Variants in AP4S1 observed in about 807,000 individuals in gnomAD.
The protein encoded by AP4S1 is AP-4 complex subunit sigma-1.
A neutral mutation model predicts 19.8 loss-of-function variants in AP4S1; 23 were observed. That is an observed-to-expected ratio of 1.16 (90% confidence interval 0.84 to 1.65). The LOEUF is 1.65. AP4S1 is among the 40% of genes most tolerant of loss of function. The probability of loss-of-function intolerance (pLI) is 0.00; values close to 1 mark genes in which losing one functional copy is unlikely to be tolerated. For synonymous variants in AP4S1, 46 were observed against 54.1 expected, an observed-to-expected ratio of 0.85 and a Z score of 0.66; for missense variants, 166 against 172.8, an observed-to-expected ratio of 0.96 and a Z score of 0.22.
intron 1 of AP4S1, among the ~76,000 whole-genome samples, chr14:31,051,964 A>G (rs181143520): frequency 2.6e-5 from 4 of 152,242 alleles, no homozygotes; most frequent in Non-Finnish European, 5.9e-5. Context: ...CCCGGTCCAT[A>G]TTCATTTTAA....
intron 1 of AP4S1, among the ~76,000 whole-genome samples, chr14:31,033,878 C>T: frequency 6.6e-6 from 1 of 152,076 alleles, no homozygotes; most frequent in East Asian, 1.9e-4. Flanking sequence ...GTAATTGTCT[C>T]CTGGGTATGA....
chr14:31,046,115 G>A (rs1318563600), intron 1 of AP4S1, among the ~76,000 whole-genome samples: 4 of 151,534 alleles, frequency 2.6e-5, no homozygotes, highest in African/African-American at 9.7e-5. Context: ...TACATACCAC[G>A]CCCAACTAAT....
intron 1 of AP4S1, among the ~76,000 whole-genome samples, chr14:31,042,289 G>A (rs982706870): frequency 2.0e-5 from 3 of 152,154 alleles, no homozygotes; most frequent in African/African-American, 7.2e-5. Flanking sequence ...TAGCTTTTCT[G>A]TCCAAAGAGT....
chr14:31,038,981 T>TA (rs1373732953), intron 1 of AP4S1, among the ~76,000 whole-genome samples: 3 of 134,164 alleles, frequency 2.2e-5, no homozygotes, highest in Non-Finnish European at 4.8e-5. Flanking sequence ...TTTGTTTTTT[T>TA]AAATGTAGAG....
chr14:31,046,713 G>A (rs990892675), intron 1 of AP4S1, among the ~76,000 whole-genome samples: 1 of 152,080 alleles, frequency 6.6e-6, no homozygotes, highest in African/African-American at 2.4e-5. Context: ...GGGCATGGTG[G>A]TGGGCACCTG....
chr14:31,073,355 TGGTG>T lies in AP4S1; in HGVS notation c.294+385_294+388del, dbSNP rs1566538445. 2.2e-5 allele frequency among the ~76,000 whole-genome samples: 3 copies of T among 134,540 alleles called. No individual in the cohort carries two copies. In the East Asian group the frequency reaches 6.7e-4, roughly 30 times the overall value. The allele number at this position is 134,540 out of a possible 152,430, so 88.3% of individuals were successfully genotyped here. The stretch of plus-strand genomic sequence containing the variant: ...AATACAAAAAATTAGCTGGGCGTGG[TGGTG>T]GGCGCCTGTAGTCCCAGCTACTCCG... On this transcript the variant is annotated intron_variant, in intron 4 of 5. Coordinates refer to ENST00000542754, the MANE Select transcript of AP4S1 (RefSeq NM_001128126.3).
intron 5 of AP4S1, among the ~76,000 whole-genome samples, chr14:31,089,986 TTTTA>T (rs1413633619): frequency 2.6e-5 from 4 of 152,152 alleles, no homozygotes; most frequent in Admixed American, 1.3e-4. Context: ...TTATTTTCAT[TTTTA>T]TTTATTTATT....
At chr14:31,054,882 A>AC (rs1886015832) in intron 1 of AP4S1, among the ~76,000 whole-genome samples, 1 of 148,054 alleles carries the variant, frequency 6.8e-6, no homozygotes, top group African/African-American at 2.5e-5. Flanking sequence ...AAAAAAAAAA[A>AC]AAAAAAAAAA....
At position 31,094,187 on chromosome 14, in the gene AP4S1, T is replaced by C; in HGVS notation, c.*1152T>C. On this transcript the variant is annotated 3_prime_UTR_variant, in exon 6 of 6. Transcript: ENST00000542754. ...TGCCCAGCCAAGAGGTGTTTTTTGT[T>C]TGTTTGTTTTTAAGAGAAGCAGGTC... 1 of 154,140 alleles carries C rather than the reference T, an allele frequency of 6.5e-6. No homozygotes were observed. Among genetic ancestry groups the C allele is most frequent in the East Asian group, 1.9e-4 (1 of 5,250 alleles). 9.5% of individuals were successfully genotyped at this position (154,140 alleles called of 1,614,324 possible). A position where few individuals can be genotyped will look rare whatever the true frequency, so the allele number is the denominator to read the frequency against.
chr14:31,074,418 C>T (rs992250956), intron 4 of AP4S1, among the ~76,000 whole-genome samples: 9 of 151,710 alleles, frequency 5.9e-5, no homozygotes, highest in African/African-American at 1.7e-4. Context: ...TTTGAGAGGC[C>T]GAGGCAGGCC....
At chr14:31,040,842 C>T (rs1416490212) in intron 1 of AP4S1, among the ~76,000 whole-genome samples, 1 of 151,910 alleles carries the variant, frequency 6.6e-6, no homozygotes, top group Non-Finnish European at 1.5e-5. Context: ...CTTTGGGAAT[C>T]AGGATATCTA....
At position 31,092,902 on chromosome 14, in the gene AP4S1, C is replaced by A. The variant is rs752469954; in HGVS notation, c.307-5C>A. On this transcript the variant is annotated splice_region_variant and splice_polypyrimidine_tract_variant and intron_variant, in intron 5 of 5. Coordinates refer to ENST00000542754, the MANE Select transcript of AP4S1 (RefSeq NM_001128126.3). ...TTTAAACTAATTTCCTTAATATAACCGTAGATAATGTTTAATTTGGATAAA... is the reference window on the plus strand; with the variant it reads ...TTTAAACTAATTTCCTTAATATAACAGTAGATAATGTTTAATTTGGATAAA... 2.7e-6 allele frequency: 4 copies of A among 1,508,040 alleles called. No individual in the cohort carries two copies. The highest frequency in any genetic ancestry group is 1.3e-5 in the South Asian group (1 of 76,042). The allele number at this position is 1,508,040 out of a possible 1,614,324, so 93.4% of individuals were successfully genotyped here.
intron 1 of AP4S1, among the ~76,000 whole-genome samples, chr14:31,040,614 C>A (rs1184480521): frequency 6.6e-6 from 1 of 151,970 alleles, no homozygotes; most frequent in African/African-American, 2.4e-5. Flanking sequence ...AATCTATTTG[C>A]TTTGTATGTC....
chr14:31,090,891 G>C (rs1317662827), intron 5 of AP4S1, among the ~76,000 whole-genome samples: 1 of 152,250 alleles, frequency 6.6e-6, no homozygotes. Context: ...GTGCCAGAAA[G>C]CTGCATGATT....
rs752469954 is a variant in AP4S1, at chr14:31,092,902, C to T, written c.307-5C>T. On this transcript the variant is annotated splice_region_variant and splice_polypyrimidine_tract_variant and intron_variant, in intron 5 of 5. Coordinates refer to ENST00000542754, the MANE Select transcript of AP4S1 (RefSeq NM_001128126.3). ...TTTAAACTAATTTCCTTAATATAACCGTAGATAATGTTTAATTTGGATAAA... is the reference window on the plus strand; with the variant it reads ...TTTAAACTAATTTCCTTAATATAACTGTAGATAATGTTTAATTTGGATAAA... The T allele has an allele frequency of 9.9e-6, 15 of 1,507,926 alleles. No individual in the cohort carries two copies. The highest frequency in any genetic ancestry group is 7.0e-5 in the African/African-American group (5 of 71,254). The allele number at this position is 1,507,926 out of a possible 1,614,324, so 93.4% of individuals were successfully genotyped here.
intron 5 of AP4S1, among the ~76,000 whole-genome samples, chr14:31,091,887 T>TA (rs1393962996): frequency 2.0e-5 from 3 of 152,208 alleles, no homozygotes; most frequent in Non-Finnish European, 2.9e-5. Context: ...GCTCTTTAAG[T>TA]AGACAGAGAA....
chr14:31,062,979 A>AG (rs1374060824), intron 1 of AP4S1, among the ~76,000 whole-genome samples: 1 of 151,686 alleles, frequency 6.6e-6, no homozygotes, highest in Non-Finnish European at 1.5e-5. Flanking sequence ...CAAAAAAAAA[A>AG]AAAATCACTA....
At chr14:31,038,564 A>C (rs972197603) in intron 1 of AP4S1, among the ~76,000 whole-genome samples, 1 of 152,192 alleles carries the variant, frequency 6.6e-6, no homozygotes, top group Non-Finnish European at 1.5e-5. Context: ...GCCATCACTG[A>C]ATTAACTAGT....
chr14:31,035,952 G>A (rs536765560), intron 1 of AP4S1, among the ~76,000 whole-genome samples: 5 of 151,990 alleles, frequency 3.3e-5, no homozygotes, highest in South Asian at 2.1e-4. Flanking sequence ...GGATGGTCTC[G>A]ATATCCTGAC....
Sources: gnomAD v4.1 joint callset for allele counts (sites outside exome capture counted in the v4.1 genomes callset) on GRCh38, gnomAD v4.1.1 for gene constraint, MANE v1.5 for transcripts, NCBI Gene and HGNC (gene_info 2026-07-23, HGNC 2026-07-21) for gene names.